The following KIAA0825 variants were observed in gnomAD, a reference collection of about 807,000 sequenced individuals.
KIAA0825 encodes KIAA0825.
In KIAA0825, 119 loss-of-function variants were observed where a neutral mutation model predicts 147.6. The ratio of observed to expected loss-of-function variants is 0.81; its 90% CI spans 0.69 to 0.94. KIAA0825 has a LOEUF of 0.94. Among genes scored for constraint, KIAA0825 ranks in the 40% least tolerant of loss-of-function variants. The pLI, the probability that KIAA0825 is intolerant of heterozygous loss-of-function variation, is 0.00. For missense variants in KIAA0825, 1,381 were observed against 1,472.7 expected (o/e 0.94, Z 1.02); for synonymous variants, 470 against 518.1 (o/e 0.91, Z 1.26).
At chr5:94,412,582 G>T (rs1372167366) in intron 15 of KIAA0825, among the ~76,000 whole-genome samples, 4 of 151,846 alleles carry the variant, frequency 2.6e-5, no homozygotes, top group Admixed American at 6.6e-5. Flanking sequence ...TGTATTTTTA[G>T]TAGAGACGGG....
intron 3 of KIAA0825, among the ~76,000 whole-genome samples, chr5:94,526,961 TAGA>T (rs1317476203): frequency 4.6e-5 from 7 of 152,026 alleles, no homozygotes; most frequent in African/African-American, 1.7e-4. Context: ...TTTTTCCTTG[TAGA>T]AGAGGAGATT....
At chr5:94,206,998 TTTAG>T (rs1424009576) in intron 20 of KIAA0825, among the ~76,000 whole-genome samples, 3 of 152,160 alleles carry the variant, frequency 2.0e-5, no homozygotes, top group Non-Finnish European at 2.9e-5. Context: ...CAGTATCATT[TTTAG>T]TTATTTATTT....
At chr5:94,427,489 T>C (rs1185330384) in intron 14 of KIAA0825, among the ~76,000 whole-genome samples, 1 of 152,098 alleles carries the variant, frequency 6.6e-6, no homozygotes, top group South Asian at 2.1e-4. Flanking sequence ...TGAGCCATGA[T>C]TGCACCACTA....
intron 20 of KIAA0825, among the ~76,000 whole-genome samples, chr5:94,226,469 G>A (rs1774177341): frequency 6.6e-6 from 1 of 152,034 alleles, no homozygotes; most frequent in East Asian, 1.9e-4. Context: ...ATTCCTCAAG[G>A]ATCTGAAACT....
chr5:94,614,460 C>G (rs1789837798), intron 1 of KIAA0825, among the ~76,000 whole-genome samples: 1 of 152,242 alleles, frequency 6.6e-6, no homozygotes. Flanking sequence ...AGCCTAACAT[C>G]TCTAACTTGC....
At chr5:94,335,347 G>A (rs1781696291) in intron 20 of KIAA0825, among the ~76,000 whole-genome samples, 2 of 151,950 alleles carry the variant, frequency 1.3e-5, no homozygotes, top group African/African-American at 4.8e-5. Flanking sequence ...TTTTGTTTCA[G>A]TCTAATCTTA....
Position 94,471,523 on chromosome 5 carries a change from A to C in KIAA0825, c.1664T>G (p.Val555Gly), listed in dbSNP as rs771463015. The change falls in exon 9 of 21, where the codon GTG becomes GGG. Residue 555 changes from valine (V) to glycine (G), a missense_variant. Transcript: ENST00000682413. ...TCGCTTGAAATGCTGGAAGACATAC[A>C]CCGCTGTGGAGAGGTATGTGTGCAA... Reference protein sequence around the residue: ...KNLHTYLSTAVYVFQHFKRYD... With the variant: ...KNLHTYLSTAGYVFQHFKRYD... 6.4e-7 allele frequency: 1 copy of C among 1,551,990 alleles called. No individual in the cohort carries two copies. Among genetic ancestry groups the C allele is most frequent in the South Asian group, 1.2e-5 (1 of 84,052 alleles).
At chr5:94,476,694 A>G (rs543793937) in intron 7 of KIAA0825, among the ~76,000 whole-genome samples, 2 of 152,338 alleles carry the variant, frequency 1.3e-5, no homozygotes, top group East Asian at 3.9e-4. Flanking sequence ...TCTACAATCT[A>G]GAGCAGAGCA....
At chr5:94,217,298 A>C (rs1383612461) in intron 20 of KIAA0825, among the ~76,000 whole-genome samples, 1 of 152,168 alleles carries the variant, frequency 6.6e-6, no homozygotes, top group Non-Finnish European at 1.5e-5. Flanking sequence ...ATAGTGAAAA[A>C]ACTTAGCAAG....
At chr5:94,611,508 C>CA (rs1209662321) in intron 1 of KIAA0825, among the ~76,000 whole-genome samples, 2 of 151,602 alleles carry the variant, frequency 1.3e-5, no homozygotes, top group Non-Finnish European at 2.9e-5. Context: ...TTAAAAATGA[C>CA]AAAAAGGTGG....
intron 20 of KIAA0825, among the ~76,000 whole-genome samples, chr5:94,343,144 T>C (rs160270): frequency 0.2 from 30,181 of 152,100 alleles, 3,493 homozygotes; most frequent in Middle Eastern, 0.26. Context: ...CCAAGATCAA[T>C]TGATATCTTA....
At chr5:94,410,169 A>T (rs1752565897) in intron 15 of KIAA0825, among the ~76,000 whole-genome samples, 1 of 147,488 alleles carries the variant, frequency 6.8e-6, no homozygotes, top group Non-Finnish European at 1.5e-5. Flanking sequence ...AATTCACCAT[A>T]TAGTCTTAAT....
chr5:94,479,628 C>A (rs1314242997), intron 6 of KIAA0825, among the ~76,000 whole-genome samples: 1 of 152,048 alleles, frequency 6.6e-6, no homozygotes, highest in Admixed American at 6.6e-5. Context: ...AGTGCAATTG[C>A]TGGATTGTAT....
chr5:94,368,957 C>T (rs1346486105), intron 20 of KIAA0825, among the ~76,000 whole-genome samples: 6 of 152,028 alleles, frequency 3.9e-5, no homozygotes, highest in Non-Finnish European at 8.8e-5. Flanking sequence ...TGCTTGAGCC[C>T]AGGAGTTCGA....
intron 2 of KIAA0825, among the ~76,000 whole-genome samples, chr5:94,561,031 A>G (rs1777464616): frequency 6.6e-6 from 1 of 152,188 alleles, no homozygotes; most frequent in African/African-American, 2.4e-5. Context: ...GATGGGAGCT[A>G]GTCTAAAAAA....
chr5:94,479,344 A>G (rs539714287), intron 6 of KIAA0825, among the ~76,000 whole-genome samples: 1 of 152,234 alleles, frequency 6.6e-6, no homozygotes, highest in African/African-American at 2.4e-5. Flanking sequence ...TTGGAATCAT[A>G]TAGTATGTAG....
chr5:94,572,082 T>C (rs1780070256), intron 2 of KIAA0825, among the ~76,000 whole-genome samples: 1 of 145,876 alleles, frequency 6.9e-6, no homozygotes, highest in Admixed American at 6.9e-5. Context: ...CTGGGCAACA[T>C]AGTGAGACTC....
chr5:94,456,501 A>T (rs1191129427), intron 12 of KIAA0825, among the ~76,000 whole-genome samples: 1 of 152,142 alleles, frequency 6.6e-6, no homozygotes, highest in Non-Finnish European at 1.5e-5. Flanking sequence ...CCATACCACA[A>T]GGGTAAGGTC....
intron 2 of KIAA0825, among the ~76,000 whole-genome samples, chr5:94,580,437 C>T (rs955877135): frequency 6.6e-6 from 1 of 152,118 alleles, no homozygotes; most frequent in Non-Finnish European, 1.5e-5. Flanking sequence ...CAGACCTGCC[C>T]TGTAAAATCA....
Sources: allele counts gnomAD v4.1 joint callset (sites outside exome capture counted in the v4.1 genomes callset), GRCh38; gene constraint gnomAD v4.1.1; transcripts MANE v1.5; gene names NCBI Gene and HGNC (gene_info 2026-07-23, HGNC 2026-07-21).